Variants in PXDNL observed in about 807,000 individuals in gnomAD.
The protein encoded by PXDNL is probable oxidoreductase PXDNL.
A neutral mutation model predicts 150.8 loss-of-function variants in PXDNL; 145 were observed. The observed-to-expected ratio is 0.96, with a 90% CI of 0.84 to 1.10. The LOEUF is 1.10. Ranked by LOEUF, PXDNL falls within the 50% of genes least tolerant of loss-of-function variation. The pLI is 0.00. For synonymous variants in PXDNL, 757 were observed against 725.7 expected, an observed-to-expected ratio of 1.04 and a Z score of -0.69; for missense variants, 2,087 against 1,873.9, an observed-to-expected ratio of 1.11 and a Z score of -2.10.
At chr8:51,508,155 G>A (rs1164868018) in intron 4 of PXDNL, among the ~76,000 whole-genome samples, 1 of 152,218 alleles carries the variant, frequency 6.6e-6, no homozygotes, top group Non-Finnish European at 1.5e-5. Context: ...AAGGAGGCAG[G>A]AATGTGTCCC....
chr8:51,320,810 C>G lies in PXDNL; in HGVS notation c.4234G>C (p.Glu1412Gln). 1 of 1,613,896 alleles carries G rather than the reference C, an allele frequency of 6.2e-7. No homozygotes were observed. The highest frequency in any genetic ancestry group is 8.5e-7 in the Non-Finnish European group (1 of 1,179,788). The change falls in exon 22 of 23, where the codon GAA (glutamate) becomes CAA (glutamine). Residue 1412 changes from glutamate (E) to glutamine (Q), a missense_variant. Physicochemically the swap from Glu to Gln is conservative, Grantham distance 29. Transcript: ENST00000356297. ...TCACAAATGCAGTGAGTGCAGTCTTCTTTCATCCAGCGCTCCTCGGCCTTC... is the reference window on the plus strand; with the variant it reads ...TCACAAATGCAGTGAGTGCAGTCTTGTTTCATCCAGCGCTCCTCGGCCTTC... Reference protein sequence around the residue: ...PRKAEERWMKEDCTHCICESG... With the variant: ...PRKAEERWMKQDCTHCICESG...
chr8:51,499,943 G>A (rs1811147531), intron 4 of PXDNL, among the ~76,000 whole-genome samples, 173 bp from the exon 5 acceptor site: 1 of 152,082 alleles, frequency 6.6e-6, no homozygotes, highest in Non-Finnish European at 1.5e-5. Context: ...GTTCGTCACA[G>A]TCCCGGGTCT....
chr8:51,566,078 C>T (rs1209747151), intron 3 of PXDNL, among the ~76,000 whole-genome samples: 1 of 151,782 alleles, frequency 6.6e-6, no homozygotes, highest in Non-Finnish European at 1.5e-5. Context: ...CACTTTTCTT[C>T]CCTAACCTGT....
At chr8:51,723,314 A>G (rs1816764224) in intron 1 of PXDNL, among the ~76,000 whole-genome samples, 1 of 152,242 alleles carries the variant, frequency 6.6e-6, no homozygotes, top group Non-Finnish European at 1.5e-5. Flanking sequence ...ATTCAAATCC[A>G]GACTCGAATT....
In PXDNL at chr8:51,409,456, A is replaced by C; in HGVS notation, c.2168T>G (p.Phe723Cys). Residue 723 changes from phenylalanine (F) to cysteine (C), a missense_variant, in exon 17 of 23, where the codon TTC (phenylalanine) becomes TGC (cysteine). Physicochemically the swap from Phe to Cys is radical, Grantham distance 205. Coordinates refer to ENST00000356297, the MANE Select transcript of PXDNL (RefSeq NM_144651.5). ...GTCGTGGGCGCGGTACTTCGCATGG[A>C]AACACCGGTTGGAGCAGTTTGGCAG... is the stretch of plus-strand genomic sequence containing the variant. The part of the protein sequence containing the change: ...RPLPNCSNRC[F>C]HAKYRAHDGT... The C allele has an allele frequency of 6.2e-7, 1 of 1,612,724 alleles. No individual in the cohort carries two copies. Among genetic ancestry groups the C allele is most frequent in the Non-Finnish European group, 8.5e-7 (1 of 1,179,748 alleles).
intron 21 of PXDNL, among the ~76,000 whole-genome samples, chr8:51,335,273 C>T (rs1163654567): frequency 1.3e-5 from 2 of 152,128 alleles, no homozygotes; most frequent in South Asian, 2.1e-4. Flanking sequence ...GTTTTTCTGG[C>T]GTCATGTACC....
At chr8:51,733,628 C>T (rs562614793) in intron 1 of PXDNL, among the ~76,000 whole-genome samples, 133 of 151,710 alleles carry the variant, frequency 8.8e-4, no homozygotes, top group African/African-American at 2.8e-3. Context: ...GCCAACATGG[C>T]GAAACCCTGT....
intron 1 of PXDNL, among the ~76,000 whole-genome samples, chr8:51,750,432 A>G (rs115041545): frequency 0.025 from 3,750 of 152,288 alleles, 158 homozygotes; most frequent in African/African-American, 0.085. Context: ...ATTTATACCA[A>G]CATCACCACA....
chr8:51,621,448 CTGTGTG>C (rs10531050), intron 2 of PXDNL, among the ~76,000 whole-genome samples: 8,953 of 142,152 alleles, frequency 0.063, 510 homozygotes, highest in African/African-American at 0.16. Flanking sequence ...GTGTGTGTGT[CTGTGTG>C]TGTGTGTGTG....
chr8:51,548,611 A>G (rs777131013), intron 4 of PXDNL, among the ~76,000 whole-genome samples: 1 of 152,222 alleles, frequency 6.6e-6, no homozygotes, highest in African/African-American at 2.4e-5. Flanking sequence ...AAGGAGAGAT[A>G]AAGTATAATT....
At chr8:51,422,366 A>G (rs191661283) in intron 14 of PXDNL, among the ~76,000 whole-genome samples, 1 of 152,300 alleles carries the variant, frequency 6.6e-6, no homozygotes, top group African/African-American at 2.4e-5. Context: ...CTGGTGCCAA[A>G]AAGGTTGGGG....
intron 1 of PXDNL, among the ~76,000 whole-genome samples, chr8:51,742,665 A>C (rs1002856904): frequency 6.6e-6 from 1 of 151,314 alleles, no homozygotes; most frequent in Non-Finnish European, 1.5e-5. Context: ...TAAACAATAT[A>C]AAAATTTTAC....
chr8:51,534,404 G>T (rs2130448777), intron 4 of PXDNL, among the ~76,000 whole-genome samples: 4 of 143,402 alleles, frequency 2.8e-5, no homozygotes, highest in Admixed American at 6.7e-5. Context: ...GAGGTGAGGG[G>T]CGCCTCTGCC....
intron 17 of PXDNL, among the ~76,000 whole-genome samples, chr8:51,377,912 G>A (rs1347979255): frequency 6.6e-6 from 1 of 152,244 alleles, no homozygotes; most frequent in Non-Finnish European, 1.5e-5. Flanking sequence ...TGCAGGAGCA[G>A]AGCAGGGGAC....
At position 51,408,337 on chromosome 8, in the gene PXDNL, C is replaced by T. The variant is rs1284204487; in HGVS notation, c.3287G>A (p.Gly1096Glu). ...CAGCCCCCGGAGAACCGGGTCTATC[C>T]CACCTTCCTTGATTATTCTGGACGG... is the stretch of plus-strand genomic sequence containing the variant. ...FSPSRIIKEG[G>E]IDPVLRGLFG... Residue 1096 changes from glycine to glutamate, a missense_variant, in exon 17 of 23, where the codon GGG (glycine) becomes GAG (glutamate). Transcript: ENST00000356297. 3 of 1,613,912 alleles carry T rather than the reference C, an allele frequency of 1.9e-6. No individual in the cohort carries two copies. The African/African-American group carries it at 4.0e-5, about 22-fold the overall frequency.
intron 1 of PXDNL, among the ~76,000 whole-genome samples, chr8:51,785,238 T>C (rs117668734): frequency 0.035 from 5,274 of 151,858 alleles, 138 homozygotes; most frequent in Non-Finnish European, 0.054. Flanking sequence ...TGGTTGTTTG[T>C]ACCTGCCAAA....
chr8:51,697,534 A>C lies in PXDNL; in HGVS notation c.165-42774T>G, dbSNP rs1816174114. 2.0e-5 allele frequency among the ~76,000 whole-genome samples: 3 copies of C among 152,146 alleles called. No homozygotes were observed. In the South Asian group the frequency reaches 6.2e-4, roughly 32 times the overall value. On this transcript the variant is annotated intron_variant, in intron 1 of 22. Transcript: ENST00000356297. ...GCCACAGTTCCCAGTCAAGGAGTAG[A>C]TGTCCCTGAGAGCTCAAACATCTTG...
chr8:51,409,303 C>A lies in PXDNL; in HGVS notation c.2321G>T (p.Arg774Leu). Residue 774 changes from arginine to leucine, a missense_variant, in exon 17 of 23, where the codon CGC (arginine) becomes CTC (leucine). Coordinates refer to ENST00000356297, the MANE Select transcript of PXDNL (RefSeq NM_144651.5). The stretch of plus-strand genomic sequence containing the variant: ...CAGCCGGGGCGGCGGGAGGGGCTGG[C>A]GGGAGCCCACAGGAAGGCCGAGCCC... ...PRGLGLPVGS[R>L]QPLPPPRLVA... 2 of 1,422,836 alleles carry A rather than the reference C, an allele frequency of 1.4e-6. No individual in the cohort carries two copies. Among genetic ancestry groups the A allele is most frequent in the Non-Finnish European group, 9.1e-7 (1 of 1,095,662 alleles). The allele number at this position is 1,422,836 out of a possible 1,614,324, so 88.1% of individuals were successfully genotyped here.
At chr8:51,479,406 C>T (rs1253928364) in intron 6 of PXDNL, among the ~76,000 whole-genome samples, 1 of 152,164 alleles carries the variant, frequency 6.6e-6, no homozygotes, top group Non-Finnish European at 1.5e-5. Flanking sequence ...ATATTTCTCC[C>T]ACCACCAAAA....
Sources: allele counts gnomAD v4.1 joint callset (sites outside exome capture counted in the v4.1 genomes callset), GRCh38; gene constraint gnomAD v4.1.1; transcripts MANE v1.5; gene names NCBI Gene and HGNC (gene_info 2026-07-23, HGNC 2026-07-21).